WDR17: variants seen among roughly 807,000 people sequenced by gnomAD.
The protein encoded by WDR17 is WD repeat domain 17, also known as WD repeat-containing protein 17.
In WDR17, 143 loss-of-function variants were observed where a neutral mutation model predicts 161.7. The ratio of observed to expected loss-of-function variants is 0.88; its 90% CI spans 0.77 to 1.02. WDR17 has a LOEUF of 1.02. WDR17 is among the 50% of genes least tolerant of loss of function. The pLI is 0.00. For missense variants in WDR17, 1,469 were observed against 1,520.9 expected, an observed-to-expected ratio of 0.97 and a Z score of 0.57; for synonymous variants, 517 against 515.6, an observed-to-expected ratio of 1.00 and a Z score of -0.04.
chr4:176,087,281 C>T (rs1032840395), intron 1 of WDR17, among the ~76,000 whole-genome samples: 4 of 151,778 alleles, frequency 2.6e-5, no homozygotes, highest in Non-Finnish European at 5.9e-5. Flanking sequence ...ACAATGAAAA[C>T]GTTCATATTC....
At chr4:176,178,194 A>G (rs1751748617) in intron 28 of WDR17, among the ~76,000 whole-genome samples, 1 of 152,070 alleles carries the variant, frequency 6.6e-6, no homozygotes, top group South Asian at 2.1e-4. Flanking sequence ...ATACTGATGT[A>G]AACCTTAACT....
At chr4:176,131,221 G>A (rs560287567) in intron 6 of WDR17, among the ~76,000 whole-genome samples, 1 of 152,226 alleles carries the variant, frequency 6.6e-6, no homozygotes, top group South Asian at 2.1e-4. Flanking sequence ...AAGCTATTAT[G>A]TCAGTATTTT....
Position 176,150,080 on chromosome 4 carries a change from T to A in WDR17, c.2085T>A (p.Cys695Ter), listed in dbSNP as rs201761567. ...AIEPGTPPLL[C>*]GKVSRDIRQE... is the part of the protein sequence containing the mutation. ...AACCAGGCACTCCTCCTCTACTGTG[T>A]GGTAAAGTGTCAAGAGATATTAGAC... is the stretch of plus-strand genomic sequence containing the variant. Residue 695 changes from cysteine to a stop codon, truncating the protein, a stop_gained, in exon 15 of 29, where the codon TGT becomes TGA. Coordinates refer to ENST00000508596, the MANE Select transcript of WDR17 (RefSeq NM_181265.4). LOFTEE classifies it high-confidence loss of function. 31 of 1,613,956 alleles carry A rather than the reference T, an allele frequency of 1.9e-5. No individual in the cohort carries two copies. Among genetic ancestry groups the A allele is most frequent in the Non-Finnish European group, 2.5e-5 (30 of 1,179,982 alleles).
chr4:176,150,076 T>C lies in WDR17; in HGVS notation c.2081T>C (p.Leu694Pro). ...ATAGAACCAGGCACTCCTCCTCTAC[T>C]GTGTGGTAAAGTGTCAAGAGATATT... ...YAIEPGTPPL[L>P]CGKVSRDIRQ... The change falls in exon 15 of 29, where the codon CTG becomes CCG. Residue 694 changes from leucine to proline, a missense_variant. By Grantham distance (98) the Leu-to-Pro change is moderately conservative (BLOSUM62 -3). Transcript: ENST00000508596. 1 of 1,614,054 alleles carries C rather than the reference T, an allele frequency of 6.2e-7. No homozygotes were observed. Among genetic ancestry groups the C allele is most frequent in the Admixed American group, 1.7e-5 (1 of 60,016 alleles).
intron 1 of WDR17, among the ~76,000 whole-genome samples, chr4:176,068,939 T>G (rs967363314): frequency 2.6e-5 from 4 of 152,170 alleles, no homozygotes; most frequent in Non-Finnish European, 5.9e-5. Context: ...ACGAAGGACT[T>G]GCAACTTTGG....
intron 3 of WDR17, among the ~76,000 whole-genome samples, chr4:176,116,343 A>G (rs1579090703): frequency 6.6e-6 from 1 of 151,892 alleles, no homozygotes; most frequent in Non-Finnish European, 1.5e-5. Context: ...CAACCTTTAA[A>G]TTACAAAGAA....
chr4:176,096,638 G>C (rs1736915550), intron 1 of WDR17: 3 of 1,435,232 alleles, frequency 2.1e-6, no homozygotes, highest in Admixed American at 3.8e-5. Context: ...TTTCTGCTTT[G>C]CTTCTCATAT....
At chr4:176,145,588 G>T (rs1247028268) in intron 11 of WDR17, among the ~76,000 whole-genome samples, 1 of 152,116 alleles carries the variant, frequency 6.6e-6, no homozygotes, top group African/African-American at 2.4e-5. Context: ...ATAATAATTT[G>T]CCCACCAGCA....
Position 176,162,131 on chromosome 4 carries a change from C to T in WDR17, c.2807C>T (p.Ala936Val), listed in dbSNP as rs371688500. 6.0e-5 allele frequency: 96 copies of T among 1,612,996 alleles called. No homozygotes were observed. Among genetic ancestry groups the T allele is most frequent in the Non-Finnish European group, 7.8e-5 (92 of 1,179,422 alleles). The stretch of plus-strand genomic sequence containing the variant: ...GAATGGTATTTTCAAGATGGTCGAG[C>T]AGTACTAGCCGCATGTTGCCATCTT... ...LAEWYFQDGRAVLAACCHLAI... is the reference protein window; with the variant it reads ...LAEWYFQDGRVVLAACCHLAI... Residue 936 changes from alanine to valine, a missense_variant, in exon 21 of 29, where the codon GCA becomes GTA. Ala to Val is a moderately conservative substitution (Grantham distance 64). Coordinates refer to ENST00000508596, the MANE Select transcript of WDR17 (RefSeq NM_181265.4).
At chr4:176,114,022 A>G (rs1178492744) in intron 2 of WDR17, among the ~76,000 whole-genome samples, 1 of 152,020 alleles carries the variant, frequency 6.6e-6, no homozygotes, top group Non-Finnish European at 1.5e-5. Flanking sequence ...TACAGTTACT[A>G]TGTAGATAAT....
intron 6 of WDR17, among the ~76,000 whole-genome samples, chr4:176,130,617 A>AC (rs1743254227): frequency 6.6e-6 from 1 of 151,654 alleles, no homozygotes; most frequent in East Asian, 1.9e-4. Context: ...TGGTGGCAGG[A>AC]GCCTGTAGTC....
intron 1 of WDR17, 148 bp downstream of exon 1, chr4:176,066,227 CA>C (rs1254573974): frequency 1.3e-5 from 2 of 152,244 alleles, no homozygotes; most frequent in Non-Finnish European, 2.9e-5. Flanking sequence ...GGGCTTTGCA[CA>C]CCATGGTGCC....
intron 1 of WDR17, among the ~76,000 whole-genome samples, chr4:176,105,052 C>A (rs776231779): frequency 2.1e-4 from 32 of 151,228 alleles, no homozygotes; most frequent in Non-Finnish European, 4.0e-4. Context: ...TTTTTCCATG[C>A]ACAGAGTAGC....
At chr4:176,160,285 T>C (rs1216513615) in intron 19 of WDR17, among the ~76,000 whole-genome samples, 159 bp downstream of exon 19, 2 of 152,200 alleles carry the variant, frequency 1.3e-5, no homozygotes, top group Admixed American at 6.5e-5. Flanking sequence ...TTTGAGAACA[T>C]ACTATTTTCT....
At chr4:176,090,946 C>T (rs1254246969) in intron 1 of WDR17, among the ~76,000 whole-genome samples, 3 of 152,220 alleles carry the variant, frequency 2.0e-5, no homozygotes, top group Non-Finnish European at 1.5e-5. Context: ...ATTGCTCATG[C>T]TGTTGTTTGT....
chr4:176,111,565 G>GT lies in WDR17; in HGVS notation c.-6-5dup. The GT allele has an allele frequency of 6.3e-7, 1 of 1,593,440 alleles. No individual in the cohort carries two copies. The highest frequency in any genetic ancestry group is 1.1e-5 in the South Asian group (1 of 87,488). ...AAATCACTGACATTTCTTCAAATTT[G>GT]TTTTTCAAGGCAAACATGTCCCAGG... On this transcript the variant is annotated splice_polypyrimidine_tract_variant and intron_variant, in intron 1 of 28. Transcript: ENST00000508596.
intron 18 of WDR17, 138 bp from the exon 19 acceptor site, chr4:176,159,856 A>G (rs374646176): frequency 2.8e-6 from 2 of 712,542 alleles, no homozygotes; most frequent in East Asian, 2.8e-5. Flanking sequence ...TGATTATAAA[A>G]TGTCTTTTTT....
At chr4:176,109,264 C>T (rs1217785897) in intron 1 of WDR17, among the ~76,000 whole-genome samples, 1 of 151,738 alleles carries the variant, frequency 6.6e-6, no homozygotes, top group Non-Finnish European at 1.5e-5. Context: ...CAATGTAACT[C>T]ACATTGTGGC....
rs1561144083 is a variant in WDR17 at position 176,128,826 on chromosome 4, C to T, written c.879C>T (p.Cys293=). Residue 293 remains cysteine, a synonymous_variant, in exon 6 of 29, where the codon TGC becomes TGT. Coordinates refer to ENST00000508596, the MANE Select transcript of WDR17 (RefSeq NM_181265.4). ...AATTAAAGAAAACAGGATTTCACTG[C>T]TTACATGTACTTAATTCTCCTCCAA... is the stretch of plus-strand genomic sequence containing the variant. ...NLKLKKTGFH[C]LHVLNSPPRK... 1.9e-6 allele frequency: 3 copies of T among 1,591,860 alleles called. No individual in the cohort carries two copies. Among genetic ancestry groups the T allele is most frequent in the Non-Finnish European group, 2.6e-6 (3 of 1,171,392 alleles).
Sources: allele counts gnomAD v4.1 joint callset (sites outside exome capture counted in the v4.1 genomes callset), GRCh38; gene constraint gnomAD v4.1.1; transcripts MANE v1.5; gene names NCBI Gene and HGNC (gene_info 2026-07-23, HGNC 2026-07-21).